Variants in CDH4 observed in about 807,000 individuals in gnomAD.
CDH4 encodes the protein cadherin 4, also known as cadherin-4.
In CDH4, 33 loss-of-function variants were observed where a neutral mutation model predicts 86.0. The observed-to-expected ratio is 0.38, with a 90% CI of 0.29 to 0.51. CDH4 has a LOEUF of 0.51. CDH4 is among the 20% of genes least tolerant of loss of function. CDH4 has a pLI of 0.86. For missense variants in CDH4, 1,114 were observed against 1,307.4 expected (o/e 0.85, Z 2.28); for synonymous variants, 555 against 549.4 (o/e 1.01, Z -0.14).
At chr20:61,666,031 A>G (rs1182059455) in intron 2 of CDH4, among the ~76,000 whole-genome samples, 2 of 152,144 alleles carry the variant, frequency 1.3e-5, no homozygotes, top group African/African-American at 4.8e-5. Flanking sequence ...TGGCCATCCC[A>G]TACCATCCAG....
intron 2 of CDH4, among the ~76,000 whole-genome samples, chr20:61,692,494 A>G (rs1263565592): frequency 6.6e-6 from 1 of 152,238 alleles, no homozygotes; most frequent in Non-Finnish European, 1.5e-5. Flanking sequence ...TTTAGGCTTA[A>G]AAGAGAAAGG....
intron 6 of CDH4, among the ~76,000 whole-genome samples, chr20:61,870,235 C>A (rs1342720441): frequency 6.6e-6 from 1 of 152,124 alleles, no homozygotes; most frequent in Non-Finnish European, 1.5e-5. Flanking sequence ...AGTTCCTGCA[C>A]GTGGGCAGCA....
chr20:61,573,569 G>T (rs528368581), intron 2 of CDH4, among the ~76,000 whole-genome samples: 2 of 152,308 alleles, frequency 1.3e-5, no homozygotes, highest in Admixed American at 1.3e-4. Flanking sequence ...GTGTCCCACA[G>T]TCCTGACCAG....
At chr20:61,280,165 G>T (rs1272875606) in intron 2 of CDH4, among the ~76,000 whole-genome samples, 1 of 152,170 alleles carries the variant, frequency 6.6e-6, no homozygotes, top group Non-Finnish European at 1.5e-5. Flanking sequence ...ACCCTGGGCT[G>T]TGTGTGGGAT....
chr20:61,820,023 CT>C (rs1473290478), intron 4 of CDH4, among the ~76,000 whole-genome samples: 1 of 152,220 alleles, frequency 6.6e-6, no homozygotes, highest in Non-Finnish European at 1.5e-5. Context: ...GGGACCGTGT[CT>C]GGCCACTTCC....
chr20:61,677,276 G>A (rs2087453781), intron 2 of CDH4, among the ~76,000 whole-genome samples: 1 of 152,158 alleles, frequency 6.6e-6, no homozygotes, highest in South Asian at 2.1e-4. Flanking sequence ...CAGGAAAAGG[G>A]CATTTAACTT....
chr20:61,288,812 C>T (rs1436465793), intron 2 of CDH4, among the ~76,000 whole-genome samples: 1 of 152,180 alleles, frequency 6.6e-6, no homozygotes, highest in East Asian at 1.9e-4. Context: ...AAAATATAAG[C>T]AGGTTTGGCT....
intron 2 of CDH4, among the ~76,000 whole-genome samples, chr20:61,674,308 G>A (rs1384727039): frequency 6.6e-6 from 1 of 152,190 alleles, no homozygotes; most frequent in African/African-American, 2.4e-5. Flanking sequence ...CTTGGAGCAG[G>A]AGTCACAGCA....
At chr20:61,883,425 G>A (rs1393462784) in intron 7 of CDH4, among the ~76,000 whole-genome samples, 1 of 152,152 alleles carries the variant, frequency 6.6e-6, no homozygotes, top group East Asian at 1.9e-4. Context: ...CTCGGTGGGG[G>A]GCACCACCAG....
chr20:61,804,154 C>T (rs751750723), intron 4 of CDH4, among the ~76,000 whole-genome samples: 5 of 152,232 alleles, frequency 3.3e-5, no homozygotes, highest in African/African-American at 1.2e-4. Flanking sequence ...TGCAGGATGT[C>T]GGTCCTGCCT....
At chr20:61,923,406 C>T (rs368867829) in intron 9 of CDH4, 45 bp from the exon 10 acceptor site, 16 of 1,602,302 alleles carry the variant, frequency 1.0e-5, no homozygotes, top group East Asian at 4.5e-5. Flanking sequence ...CCCACTCCCA[C>T]GGGAGCTGTG....
intron 2 of CDH4, among the ~76,000 whole-genome samples, chr20:61,530,215 G>A (rs2085941966): frequency 6.6e-6 from 1 of 152,122 alleles, no homozygotes; most frequent in East Asian, 1.9e-4. Flanking sequence ...TATTTTAGTA[G>A]AGATGGGATT....
At chr20:61,731,163 C>T (rs1033457105) in intron 2 of CDH4, among the ~76,000 whole-genome samples, 2 of 152,210 alleles carry the variant, frequency 1.3e-5, no homozygotes, top group South Asian at 4.2e-4. Context: ...CGAGTCCCCC[C>T]CTCAGCCCTC....
intron 2 of CDH4, among the ~76,000 whole-genome samples, chr20:61,305,710 G>C (rs1442607117): frequency 6.6e-6 from 1 of 152,204 alleles, no homozygotes; most frequent in Admixed American, 6.5e-5. Context: ...CACCTAAGTG[G>C]CTGGGTTAAC....
At chr20:61,707,373 C>G (rs2087842893) in intron 2 of CDH4, among the ~76,000 whole-genome samples, 1 of 152,266 alleles carries the variant, frequency 6.6e-6, no homozygotes, top group South Asian at 2.1e-4. Flanking sequence ...TAAAGGAAAC[C>G]TGGGCCTGTT....
intron 2 of CDH4, among the ~76,000 whole-genome samples, chr20:61,414,422 G>C (rs1208660426): frequency 6.6e-6 from 1 of 152,224 alleles, no homozygotes; most frequent in Non-Finnish European, 1.5e-5. Context: ...TTGGAAAGGA[G>C]AGTGGAGTCA....
rs575394303 is a variant in CDH4 at position 61,875,882 on chromosome 20, C to G, written c.1050+1982C>G. 2.0e-5 allele frequency among the ~76,000 whole-genome samples: 3 copies of G among 152,306 alleles called. No individual in the cohort carries two copies. The South Asian group carries it at 6.2e-4, about 32-fold the overall frequency. ...TACCGTCCCCCATCTCCTCTGTAGC[C>G]TGGGGTCCCCCGCCTGCCCTGGGGA... On this transcript the variant is annotated intron_variant, in intron 7 of 15. Coordinates refer to ENST00000614565, the MANE Select transcript of CDH4 (RefSeq NM_001794.5).
rs753091373 is a variant in CDH4, at chr20:61,709,985, C to T, written c.170-33578C>T. Among the ~76,000 whole-genome samples the T allele has an allele frequency of 6.6e-6, 1 of 152,162 alleles. No homozygotes were observed. On this transcript the variant is annotated intron_variant, in intron 2 of 15. Coordinates refer to ENST00000614565, the MANE Select transcript of CDH4 (RefSeq NM_001794.5). The surrounding 1 kb of genome is among the most constrained non-coding windows in gnomAD (Gnocchi z 4.8). ...GTTGTAGGGAAAAGTTTGCCACCAA[C>T]AGCGAGTTTAAAACTTTGAAACAGT... is the stretch of plus-strand genomic sequence containing the variant.
At chr20:61,538,558 G>A (rs1319447058) in intron 2 of CDH4, among the ~76,000 whole-genome samples, 2 of 152,182 alleles carry the variant, frequency 1.3e-5, no homozygotes, top group African/African-American at 4.8e-5. Context: ...ACATCCGCCT[G>A]TCCCTGCTGG....
Sources: gnomAD v4.1 joint callset for allele counts (sites outside exome capture counted in the v4.1 genomes callset) on GRCh38, gnomAD v4.1.1 for gene constraint, Gnocchi (gnomAD v3.1) non-coding constraint, MANE v1.5 for transcripts, NCBI Gene and HGNC (gene_info 2026-07-23, HGNC 2026-07-21) for gene names.